The following CRISP3 variants were observed in gnomAD, a reference collection of about 807,000 sequenced individuals.
CRISP3 encodes cysteine-rich secretory protein 3.
CRISP3 carries 33 observed loss-of-function variants against 36.1 expected under a neutral mutation model. The observed-to-expected ratio is 0.91, with a 90% CI of 0.69 to 1.22. CRISP3 has a LOEUF of 1.22. Ranked by LOEUF, CRISP3 falls within the 50% of genes most tolerant of loss-of-function variation. CRISP3 has a pLI of 0.00. For missense variants in CRISP3, 330 were observed against 301.2 expected (o/e 1.10, Z -0.71); for synonymous variants, 117 against 104.6 (o/e 1.12, Z -0.72).
At chr6:49,735,977 T>C (rs1330711431) in intron 3 of CRISP3, among the ~76,000 whole-genome samples, 2 of 152,162 alleles carry the variant, frequency 1.3e-5, no homozygotes, top group East Asian at 3.9e-4. Flanking sequence ...TTTTCTTTTT[T>C]TCCCCCTCAC....
chr6:49,731,107 T>C, intron 7 of CRISP3, 56 bp downstream of exon 7: 1 of 1,271,992 alleles, frequency 7.9e-7, no homozygotes, highest in Middle Eastern at 1.9e-4. Flanking sequence ...TCCCAATTCT[T>C]AGAAGAAATG....
In CRISP3 at chr6:49,731,206, T is replaced by G; in HGVS notation, c.606A>C (p.Ala202=). Residue 202 remains alanine (A), a synonymous_variant, in exon 7 of 8, where the codon GCA becomes GCC. Transcript: ENST00000263045. ...NRLYVPYEQG[A]PCASCPDNCD... ...AGTTATCTGGGCAACTGGCACAAGG[T>G]GCTCCTTGTTCATAAGGGACATATA... 1.2e-6 allele frequency: 2 copies of G among 1,612,176 alleles called. No individual in the cohort carries two copies. Among genetic ancestry groups the G allele is most frequent in the Non-Finnish European group, 1.7e-6 (2 of 1,179,022 alleles).
chr6:49,742,670 GA>G (rs988406305), intron 1 of CRISP3, among the ~76,000 whole-genome samples: 211 of 138,352 alleles, frequency 1.5e-3, no homozygotes, highest in African/African-American at 5.3e-3. Flanking sequence ...AAAAGAAAAA[GA>G]AAAAAAAGAA....
chr6:49,742,223 G>A (rs1769223569), intron 1 of CRISP3, among the ~76,000 whole-genome samples: 1 of 152,146 alleles, frequency 6.6e-6, no homozygotes, highest in Admixed American at 6.5e-5. Context: ...GTTTTGTAAT[G>A]CTTTTAAATG....
In CRISP3 at chr6:49,733,241, T is replaced by G; in HGVS notation, c.514A>C (p.Asn172His). 2 of 1,611,240 alleles carry G rather than the reference T, an allele frequency of 1.2e-6. No individual in the cohort carries two copies. The highest frequency in any genetic ancestry group is 1.7e-4 in the Middle Eastern group (1 of 6,050). The change falls in exon 6 of 8, where the codon AAT (asparagine) becomes CAT (histidine). Residue 172 changes from asparagine to histidine, a missense_variant. Asn to His is a moderately conservative substitution (Grantham distance 68). Coordinates refer to ENST00000263045, the MANE Select transcript of CRISP3 (RefSeq NM_006061.4). ...TAGTAGTATTTTAGAACTTTTTGAT[T>G]GGGACAGTAGGCATTTCCACATCCA... ...LVGCGNAYCP[N>H]QKVLKYYYVC...
At chr6:49,740,993 C>T (rs1281738899) in intron 1 of CRISP3, among the ~76,000 whole-genome samples, 1 of 151,484 alleles carries the variant, frequency 6.6e-6, no homozygotes, top group Non-Finnish European at 1.5e-5. Flanking sequence ...CCCAGCTACT[C>T]GGGAGGCTGA....
chr6:49,736,574 T>A (rs1769058402), intron 2 of CRISP3, 67 bp from the exon 3 acceptor site: 10 of 1,141,056 alleles, frequency 8.8e-6, no homozygotes, highest in Non-Finnish European at 1.3e-5. Flanking sequence ...AGTAACTATG[T>A]TAGTTCAAGG....
chr6:49,741,994 C>T (rs1254022420), intron 1 of CRISP3, among the ~76,000 whole-genome samples: 2 of 150,222 alleles, frequency 1.3e-5, no homozygotes, highest in Admixed American at 6.6e-5. Flanking sequence ...GGAGAACACA[C>T]CAAAATTAAC....
chr6:49,742,589 G>C (rs1438246363), intron 1 of CRISP3, among the ~76,000 whole-genome samples: 1 of 135,646 alleles, frequency 7.4e-6, no homozygotes, highest in Non-Finnish European at 1.5e-5. Context: ...CCGAGAGTGT[G>C]CCACTGCACT....
At chr6:49,735,662 A>T (rs1383994856) in intron 3 of CRISP3, 71 bp from the exon 4 acceptor site, 2 of 1,116,476 alleles carry the variant, frequency 1.8e-6, no homozygotes, top group Admixed American at 2.2e-5. Flanking sequence ...CTTTATAATC[A>T]GGTTATAGGT....
intron 3 of CRISP3, 94 bp from the exon 4 acceptor site, chr6:49,735,685 T>C: frequency 2.4e-6 from 2 of 823,680 alleles, no homozygotes; most frequent in Non-Finnish European, 3.8e-6. Context: ...ATTTACATCA[T>C]CATAAAATTT....
At position 49,733,726 on chromosome 6, in the gene CRISP3, C is replaced by A. The variant is rs1864312; in HGVS notation, c.439G>T (p.Ala147Ser). The change falls in exon 5 of 8, where the codon GCA becomes TCA. Residue 147 changes from alanine (A) to serine (S), a missense_variant. Coordinates refer to ENST00000263045, the MANE Select transcript of CRISP3 (RefSeq NM_006061.4). ...DFGVGPKTPN[A>S]VVGHYTQVVW... Reference sequence around the variant, plus strand: ...ACCTGTGTATAATGTCCAACCACTGCGTTGGGAGTCTTTGGCCCTACACCA... The same window carrying A: ...ACCTGTGTATAATGTCCAACCACTGAGTTGGGAGTCTTTGGCCCTACACCA... 0.43 allele frequency: 693,536 copies of A among 1,611,384 alleles called. 152,517 individuals carry two copies. Among genetic ancestry groups the A allele is most frequent in the Admixed American group, 0.59 (35,245 of 59,958 alleles).
At chr6:49,739,799 C>T (rs1192895611) in intron 1 of CRISP3, among the ~76,000 whole-genome samples, 1 of 152,122 alleles carries the variant, frequency 6.6e-6, no homozygotes, top group African/African-American at 2.4e-5. Context: ...CATTCACTTC[C>T]ATGAAGCAAT....
intron 6 of CRISP3, among the ~76,000 whole-genome samples, chr6:49,731,504 T>G (rs1768916381): frequency 6.6e-6 from 1 of 152,098 alleles, no homozygotes; most frequent in Non-Finnish European, 1.5e-5. Flanking sequence ...AAGTCTAAAG[T>G]TTTTAAAGTA....
At chr6:49,738,795 A>G (rs542159572) in intron 1 of CRISP3, among the ~76,000 whole-genome samples, 3 of 152,208 alleles carry the variant, frequency 2.0e-5, no homozygotes, top group Non-Finnish European at 2.9e-5. Flanking sequence ...TTTTCATGCT[A>G]TTAAAGTCAA....
intron 7 of CRISP3, among the ~76,000 whole-genome samples, chr6:49,730,703 C>A (rs1768892977): frequency 6.6e-6 from 1 of 152,074 alleles, no homozygotes; most frequent in African/African-American, 2.4e-5. Context: ...TTTTACATTG[C>A]AAATGATACA....
In CRISP3 at chr6:49,727,383, TC is replaced by T. The variant is rs1029523846; in HGVS notation, c.*1346del. ...AGAAATAAAATTCTTGTATTTTTTT[TC>T]AAGACACTTTTTATTTTGCATTGCT... is the stretch of plus-strand genomic sequence containing the variant. On this transcript the variant is annotated 3_prime_UTR_variant, in exon 8 of 8. Coordinates refer to ENST00000263045, the MANE Select transcript of CRISP3 (RefSeq NM_006061.4). The T allele has an allele frequency of 6.6e-6, 1 of 152,114 alleles. No homozygotes were observed. The highest frequency in any genetic ancestry group is 2.4e-5 in the African/African-American group (1 of 41,452). The allele number at this position is 152,114 out of a possible 1,614,324, so 9.4% of individuals were successfully genotyped here. A position where few individuals can be genotyped will look rare whatever the true frequency, so the allele number is the denominator to read the frequency against.
At chr6:49,736,941 G>A (rs1769068297) in intron 2 of CRISP3, among the ~76,000 whole-genome samples, 1 of 152,056 alleles carries the variant, frequency 6.6e-6, no homozygotes, top group Admixed American at 6.5e-5. Context: ...ATGGTGTCTG[G>A]TATTTAGAAA....
At chr6:49,733,512 T>C (rs893971146) in intron 5 of CRISP3, among the ~76,000 whole-genome samples, 191 bp downstream of exon 5, 1 of 152,204 alleles carries the variant, frequency 6.6e-6, no homozygotes, top group Non-Finnish European at 1.5e-5. Flanking sequence ...ACAAAGATTA[T>C]GCTTCCCTAC....
Sources: gnomAD v4.1 joint callset for allele counts (sites outside exome capture counted in the v4.1 genomes callset) on GRCh38, gnomAD v4.1.1 for gene constraint, MANE v1.5 for transcripts, NCBI Gene and HGNC (gene_info 2026-07-23, HGNC 2026-07-21) for gene names.